The following KIRREL3 variants were observed in gnomAD, a reference collection of about 807,000 sequenced individuals.
The protein encoded by KIRREL3 is kin of IRRE-like protein 3.
In KIRREL3, 36 loss-of-function variants were observed where a neutral mutation model predicts 89.7. The ratio of observed to expected loss-of-function variants is 0.40; its 90% CI spans 0.31 to 0.53. The LOEUF is 0.53. KIRREL3 is among the 20% of genes least tolerant of loss of function. KIRREL3 has a pLI of 0.49. For synonymous variants in KIRREL3, 445 were observed against 441.4 expected, an observed-to-expected ratio of 1.01 and a Z score of -0.10; for missense variants, 864 against 1,056.6, an observed-to-expected ratio of 0.82 and a Z score of 2.53.
At chr11:126,806,008 C>A (rs534383826) in intron 1 of KIRREL3, among the ~76,000 whole-genome samples, 1 of 152,192 alleles carries the variant, frequency 6.6e-6, no homozygotes, top group Non-Finnish European at 1.5e-5. Context: ...AAAATCCACA[C>A]CAAATCTGTC....
chr11:126,990,158 C>T lies in KIRREL3; in HGVS notation c.55+10297G>A, dbSNP rs1949986966. Among the ~76,000 whole-genome samples, 1 of 152,134 alleles carries T rather than the reference C, an allele frequency of 6.6e-6. No homozygotes were observed. The highest frequency in any genetic ancestry group is 6.5e-5 in the Admixed American group (1 of 15,290). ...GGCGGTCCCCCTGCTGGGGAGGACT[C>T]ACCTTCACATACAGGAGAGAAACAT... On this transcript the variant is annotated intron_variant, in intron 1 of 16. Coordinates refer to ENST00000525144, the MANE Select transcript of KIRREL3 (RefSeq NM_032531.4). The surrounding 1 kb of genome is among the most constrained non-coding windows in gnomAD (Gnocchi z 6.3).
chr11:126,919,735 A>G (rs1947193062), intron 1 of KIRREL3, among the ~76,000 whole-genome samples: 1 of 152,196 alleles, frequency 6.6e-6, no homozygotes, highest in African/African-American at 2.4e-5. Context: ...CACAGTAAGC[A>G]TGGGGCTAAA....
At position 126,996,563 on chromosome 11, in the gene KIRREL3, C is replaced by T. The variant is rs1442537669; in HGVS notation, c.55+3892G>A. Among the ~76,000 whole-genome samples, 3 of 152,186 alleles carry T rather than the reference C, an allele frequency of 2.0e-5. No individual in the cohort carries two copies. Among genetic ancestry groups the T allele is most frequent in the Non-Finnish European group, 4.4e-5 (3 of 68,044 alleles). On this transcript the variant is annotated intron_variant, in intron 1 of 16. Coordinates refer to ENST00000525144, the MANE Select transcript of KIRREL3 (RefSeq NM_032531.4). The surrounding 1 kb of genome is among the most constrained non-coding windows in gnomAD (Gnocchi z 4.7). ...TGTCATCTCCATGGCTCCCTTCACC[C>T]TGGCTGGCTCCCTCTGTTCACTCTA...
chr11:126,644,301 C>T (rs979180609), intron 1 of KIRREL3, among the ~76,000 whole-genome samples: 1 of 151,934 alleles, frequency 6.6e-6, no homozygotes, highest in Non-Finnish European at 1.5e-5. Flanking sequence ...GGGACTGGAG[C>T]CACCAAGGGA....
chr11:126,720,972 GGA>G (rs1314582737), intron 1 of KIRREL3, among the ~76,000 whole-genome samples: 2 of 152,152 alleles, frequency 1.3e-5, no homozygotes, highest in Non-Finnish European at 2.9e-5. Context: ...TTGAGAGAGG[GGA>G]GAGAGAGAAA....
rs1462220464 is a variant in KIRREL3, at chr11:126,459,623, C to G, written c.743-3169G>C. Among the ~76,000 whole-genome samples the G allele has an allele frequency of 6.6e-6, 1 of 152,198 alleles. No individual in the cohort carries two copies. Among genetic ancestry groups the G allele is most frequent in the Non-Finnish European group, 1.5e-5 (1 of 68,038 alleles). On this transcript the variant is annotated intron_variant, in intron 6 of 16. Transcript: ENST00000525144. This position sits in a 1 kb window ranked among gnomAD's most constrained non-coding sequence, Gnocchi z 4.8. ...CTCACTTGTGATGTCGGCAGCATAA[C>G]TTGCAGGAGGGCAGCTTTGATGTAG...
chr11:126,611,915 T>TG lies in KIRREL3; in HGVS notation c.56-49004dup, dbSNP rs1194392063. Reference sequence around the variant, plus strand: ...GCCGATGCCCTCTGTCCTTCTCTGGTGACTTTGTCCACGTGGATCTTCAGT... The same window carrying TG: ...GCCGATGCCCTCTGTCCTTCTCTGGTGGACTTTGTCCACGTGGATCTTCAGT... On this transcript the variant is annotated intron_variant, in intron 1 of 16. Coordinates refer to ENST00000525144, the MANE Select transcript of KIRREL3 (RefSeq NM_032531.4). This position sits in a 1 kb window ranked among gnomAD's most constrained non-coding sequence, Gnocchi z 4.7. Among the ~76,000 whole-genome samples the TG allele has an allele frequency of 6.6e-6, 1 of 152,212 alleles. No individual in the cohort carries two copies. Among genetic ancestry groups the TG allele is most frequent in the East Asian group, 1.9e-4 (1 of 5,194 alleles).
In KIRREL3 at chr11:126,590,638, C is replaced by T. The variant is rs562822203; in HGVS notation, c.56-27726G>A. Among the ~76,000 whole-genome samples, 27 of 152,286 alleles carry T rather than the reference C, an allele frequency of 1.8e-4. No individual in the cohort carries two copies. The South Asian group carries it at 3.9e-3, about 22-fold the overall frequency. On this transcript the variant is annotated intron_variant, in intron 1 of 16. Transcript: ENST00000525144. ...GTCTGTGAAGGTCACTGCCACTGTACGGTGAGTGATCTGTCCCCATTTCAG... is the reference window on the plus strand; with the variant it reads ...GTCTGTGAAGGTCACTGCCACTGTATGGTGAGTGATCTGTCCCCATTTCAG...
At chr11:126,634,998 T>A (rs982622526) in intron 1 of KIRREL3, among the ~76,000 whole-genome samples, 7 of 152,192 alleles carry the variant, frequency 4.6e-5, no homozygotes, top group Non-Finnish European at 1.0e-4. Context: ...ACTCAGCAAG[T>A]GGGGACAGTT....
intron 1 of KIRREL3, among the ~76,000 whole-genome samples, chr11:126,667,518 G>A (rs1945718225): frequency 6.6e-6 from 1 of 152,210 alleles, no homozygotes; most frequent in Non-Finnish European, 1.5e-5. Context: ...GAAGATCGGG[G>A]GAGAATAGGG....
intron 4 of KIRREL3, among the ~76,000 whole-genome samples, chr11:126,506,058 T>C (rs1958004407): frequency 6.6e-6 from 1 of 152,198 alleles, no homozygotes; most frequent in South Asian, 2.1e-4. Context: ...GTCGGAACAA[T>C]TGGATATCTG....
At position 126,568,638 on chromosome 11, in the gene KIRREL3, C is replaced by G. The variant is rs1442710592; in HGVS notation, c.56-5726G>C. Among the ~76,000 whole-genome samples the G allele has an allele frequency of 6.6e-6, 1 of 152,152 alleles. No individual in the cohort carries two copies. The highest frequency in any genetic ancestry group is 1.5e-5 in the Non-Finnish European group (1 of 68,022). ...GCTGGAGCCATGCTCCAGCACTTAC[C>G]AGTGAGCAACTCTTAGGCTTCTCTG... On this transcript the variant is annotated intron_variant, in intron 1 of 16. Coordinates refer to ENST00000525144, the MANE Select transcript of KIRREL3 (RefSeq NM_032531.4). The surrounding 1 kb of genome is among the most constrained non-coding windows in gnomAD (Gnocchi z 4.6).
At position 126,860,006 on chromosome 11, in the gene KIRREL3, G is replaced by A. The variant is rs1009162794; in HGVS notation, c.55+140449C>T. ...TTTTCTGCTCTGATTTACCTTTAGA[G>A]CTGTATTAACTCTGACGTTCTACTA... On this transcript the variant is annotated intron_variant, in intron 1 of 16. Transcript: ENST00000525144. The surrounding 1 kb of genome is among the most constrained non-coding windows in gnomAD (Gnocchi z 4.6). Among the ~76,000 whole-genome samples the A allele has an allele frequency of 1.3e-5, 2 of 152,146 alleles. No individual in the cohort carries two copies. Among genetic ancestry groups the A allele is most frequent in the African/African-American group, 2.4e-5 (1 of 41,422 alleles).
rs561096619 is a variant in KIRREL3, at chr11:126,918,499, C to T, written c.55+81956G>A. ...CAAGCTTGTGGTGGAGGGCAGTTAC[C>T]GGATTTTAATTAACTAGCTGAATTA... On this transcript the variant is annotated intron_variant, in intron 1 of 16. Coordinates refer to ENST00000525144, the MANE Select transcript of KIRREL3 (RefSeq NM_032531.4). The surrounding 1 kb of genome is among the most constrained non-coding windows in gnomAD (Gnocchi z 6.5). Among the ~76,000 whole-genome samples the T allele has an allele frequency of 3.3e-5, 5 of 152,264 alleles. No homozygotes were observed. Among genetic ancestry groups the T allele is most frequent in the South Asian group, 4.1e-4 (2 of 4,826 alleles).
chr11:126,972,507 G>A (rs977173626), intron 1 of KIRREL3, among the ~76,000 whole-genome samples: 3 of 152,172 alleles, frequency 2.0e-5, no homozygotes, highest in Non-Finnish European at 4.4e-5. Flanking sequence ...CTGAGAAAAG[G>A]GTAGGCCAAT....
At chr11:126,914,947 A>C (rs1403173961) in intron 1 of KIRREL3, among the ~76,000 whole-genome samples, 1 of 152,240 alleles carries the variant, frequency 6.6e-6, no homozygotes, top group African/African-American at 2.4e-5. Flanking sequence ...CAGTGTAAAC[A>C]CCACAAACAA....
At position 126,653,192 on chromosome 11, in the gene KIRREL3, A is replaced by G. The variant is rs930262546; in HGVS notation, c.56-90280T>C. ...ATAACTAGGCAAGTGAGAGAGGCAG[A>G]CAGTGCACTATCTACAGAATCCAAC... On this transcript the variant is annotated intron_variant, in intron 1 of 16. Transcript: ENST00000525144. This position sits in a 1 kb window ranked among gnomAD's most constrained non-coding sequence, Gnocchi z 5.4. Among the ~76,000 whole-genome samples the G allele has an allele frequency of 1.1e-4, 16 of 152,244 alleles. No individual in the cohort carries two copies. The highest frequency in any genetic ancestry group is 3.9e-4 in the African/African-American group (16 of 41,468).
At position 126,636,706 on chromosome 11, in the gene KIRREL3, G is replaced by A. The variant is rs151291166; in HGVS notation, c.56-73794C>T. 6.6e-6 allele frequency among the ~76,000 whole-genome samples: 1 copy of A among 152,248 alleles called. No homozygotes were observed. The highest frequency in any genetic ancestry group is 1.9e-4 in the East Asian group (1 of 5,192). ...CTGAGACCTTTGTTTTGCTGGTTAC[G>A]GTTGTGGCCTGATGGGCTAAGCTAG... On this transcript the variant is annotated intron_variant, in intron 1 of 16. Coordinates refer to ENST00000525144, the MANE Select transcript of KIRREL3 (RefSeq NM_032531.4). The surrounding 1 kb of genome is among the most constrained non-coding windows in gnomAD (Gnocchi z 4.4).
chr11:126,662,332 T>C (rs143667266), intron 1 of KIRREL3, among the ~76,000 whole-genome samples: 2,370 of 152,334 alleles, frequency 0.016, 31 homozygotes, highest in Admixed American at 0.017. Context: ...CCAGGCCCCT[T>C]GGAGAGCACT....
Sources: gnomAD v4.1 joint callset for allele counts (sites outside exome capture counted in the v4.1 genomes callset) on GRCh38, gnomAD v4.1.1 for gene constraint, Gnocchi (gnomAD v3.1) non-coding constraint, MANE v1.5 for transcripts, NCBI Gene and HGNC (gene_info 2026-07-23, HGNC 2026-07-21) for gene names.